EFR3B: variants seen among roughly 807,000 people sequenced by gnomAD.
The protein encoded by EFR3B is EFR3 homolog B.
EFR3B carries 64 observed loss-of-function variants against 104.7 expected under a neutral mutation model. That is an observed-to-expected ratio of 0.61 (90% confidence interval 0.50 to 0.75). The LOEUF (loss-of-function observed/expected upper bound fraction) is 0.75, where lower values mean the gene tolerates loss of function less well. Ranked by LOEUF, EFR3B falls within the 30% of genes least tolerant of loss-of-function variation. The pLI, the probability that EFR3B is intolerant of heterozygous loss-of-function variation, is 0.00. For synonymous variants in EFR3B, 385 were observed against 417.9 expected, an observed-to-expected ratio of 0.92 and a Z score of 0.96; for missense variants, 750 against 1,078.5, an observed-to-expected ratio of 0.70 and a Z score of 4.27.
At chr2:25,079,429 A>G (rs1668727330) in intron 1 of EFR3B, among the ~76,000 whole-genome samples, 2 of 152,214 alleles carry the variant, frequency 1.3e-5, no homozygotes, top group Admixed American at 1.3e-4. Context: ...TGGGCAGGGC[A>G]CTTAACCTCT....
chr2:25,122,804 C>T (rs1670051349), intron 5 of EFR3B, among the ~76,000 whole-genome samples: 8 of 152,078 alleles, frequency 5.3e-5, no homozygotes, highest in Admixed American at 5.2e-4. Flanking sequence ...TCTTGTTCAC[C>T]ACCTGTCTCT....
At chr2:25,134,618 G>C (rs4665764) in intron 12 of EFR3B, among the ~76,000 whole-genome samples, 45,183 of 151,136 alleles carry the variant, frequency 0.3, 7,298 homozygotes, top group Admixed American at 0.41. Context: ...GAACTCCCCC[G>C]ACCCCGCCGC....
At chr2:25,072,174 G>A (rs927435120) in intron 1 of EFR3B, among the ~76,000 whole-genome samples, 5 of 152,218 alleles carry the variant, frequency 3.3e-5, no homozygotes, top group Non-Finnish European at 5.9e-5. Context: ...CTCCCTCTGC[G>A]TGTTGGCAGT....
In EFR3B at chr2:25,131,170, C is replaced by T. The variant is rs1670318056; in HGVS notation, c.850-198C>T. Among the ~76,000 whole-genome samples the T allele has an allele frequency of 6.6e-6, 1 of 152,228 alleles. No homozygotes were observed. Among genetic ancestry groups the T allele is most frequent in the South Asian group, 2.1e-4 (1 of 4,834 alleles). ...CCTGGAAAACTGTCAGCTGAGGCCTCCACTGGGATTTGGCTCTTTGTTGGA... is the reference window on the plus strand; with the variant it reads ...CCTGGAAAACTGTCAGCTGAGGCCTTCACTGGGATTTGGCTCTTTGTTGGA... On this transcript the variant is annotated intron_variant, in intron 8 of 22. Transcript: ENST00000403714. The surrounding 1 kb of genome is among the most constrained non-coding windows in gnomAD (Gnocchi z 7.6).
chr2:25,077,045 A>T (rs1398759074), intron 1 of EFR3B, among the ~76,000 whole-genome samples: 1 of 152,176 alleles, frequency 6.6e-6, no homozygotes, highest in Non-Finnish European at 1.5e-5. Flanking sequence ...TCTTTCCCAG[A>T]TGAGATACAT....
chr2:25,098,599 CG>C (rs1669346821), intron 3 of EFR3B, among the ~76,000 whole-genome samples: 1 of 152,160 alleles, frequency 6.6e-6, no homozygotes. Context: ...GCATTAGACT[CG>C]GGGCTTCCAA....
chr2:25,048,588 T>C (rs1445462798), intron 1 of EFR3B, among the ~76,000 whole-genome samples: 1 of 151,968 alleles, frequency 6.6e-6, no homozygotes, highest in African/African-American at 2.4e-5. Context: ...ATTTTAAGAC[T>C]TGTGGGTGGC....
In EFR3B at chr2:25,042,139, GC is replaced by G; in HGVS notation, c.-171del. ...GCCCGGCGCTGAATGGGCTGGCGGCGCCCGGCTCCGTCCTGCCCGCGGCCGG... is the reference window on the plus strand; with the variant it reads ...GCCCGGCGCTGAATGGGCTGGCGGCGCCGGCTCCGTCCTGCCCGCGGCCGG... On this transcript the variant is annotated 5_prime_UTR_variant, in exon 1 of 23. It removes the in-frame stop codon of an upstream open reading frame in the 5' UTR. Coordinates refer to ENST00000403714, the MANE Select transcript of EFR3B (RefSeq NM_014971.2). This position sits in a 1 kb window ranked among gnomAD's most constrained non-coding sequence, Gnocchi z 5.4. 1.9e-6 allele frequency: 1 copy of G among 513,944 alleles called. No individual in the cohort carries two copies. Among genetic ancestry groups the G allele is most frequent in the Non-Finnish European group, 2.9e-6 (1 of 349,642 alleles). The allele number at this position is 513,944 out of a possible 1,614,324, so 31.8% of individuals were successfully genotyped here.
intron 20 of EFR3B, among the ~76,000 whole-genome samples, chr2:25,150,637 G>A (rs1398913987): frequency 2.7e-5 from 4 of 146,776 alleles, no homozygotes; most frequent in Admixed American, 6.9e-5. Context: ...CTGAGACAGA[G>A]TCTCGCCCTG....
chr2:25,119,457 A>T (rs1370260184), intron 4 of EFR3B, among the ~76,000 whole-genome samples: 2 of 152,188 alleles, frequency 1.3e-5, no homozygotes, highest in Non-Finnish European at 2.9e-5. Flanking sequence ...TCAGCACCTC[A>T]AGTCTGTTCC....
chr2:25,086,789 TGCCATGTTG>T (rs1161876579), intron 1 of EFR3B, among the ~76,000 whole-genome samples: 9 of 152,088 alleles, frequency 5.9e-5, no homozygotes. Flanking sequence ...GGCAGGATTT[TGCCATGTTG>T]GCCAGGCTGG....
In EFR3B at chr2:25,042,618, T is replaced by A. The variant is rs535897578; in HGVS notation, c.7+299T>A. Reference sequence around the variant, plus strand: ...CTCCCGGAGCCGAGCAGACCGGGAGTGCTGGAGGAGGTGGTCGTGTGGCAG... The same window carrying A: ...CTCCCGGAGCCGAGCAGACCGGGAGAGCTGGAGGAGGTGGTCGTGTGGCAG... On this transcript the variant is annotated intron_variant, in intron 1 of 22. Coordinates refer to ENST00000403714, the MANE Select transcript of EFR3B (RefSeq NM_014971.2). The surrounding 1 kb of genome is among the most constrained non-coding windows in gnomAD (Gnocchi z 5.4). 1.2e-5 allele frequency: 14 copies of A among 1,169,780 alleles called. No individual in the cohort carries two copies. Among genetic ancestry groups the A allele is most frequent in the Non-Finnish European group, 1.3e-5 (12 of 948,894 alleles). The allele number at this position is 1,169,780 out of a possible 1,614,324, so 72.5% of individuals were successfully genotyped here.
chr2:25,049,022 G>T (rs555699643), intron 1 of EFR3B, among the ~76,000 whole-genome samples: 6 of 152,178 alleles, frequency 3.9e-5, no homozygotes, highest in African/African-American at 1.4e-4. Flanking sequence ...TTTTTCCCTC[G>T]ACTGTAGCCC....
In EFR3B at chr2:25,133,056, C is replaced by T. The variant is rs1385881280; in HGVS notation, c.1259+42C>T. The T allele has an allele frequency of 2.0e-6, 3 of 1,511,734 alleles. No individual in the cohort carries two copies. In the South Asian group the frequency reaches 3.6e-5, roughly 18 times the overall value. 93.6% of individuals were successfully genotyped at this position (1,511,734 alleles called of 1,614,324 possible). A position where few individuals can be genotyped will look rare whatever the true frequency, so the allele number is the denominator to read the frequency against. ...CCCCAGCCTGGAGTCCTCCTCTCCC[C>T]CAGCTGCATTTTCTGACCCCCTCCT... is the stretch of plus-strand genomic sequence containing the variant. On this transcript the variant is annotated intron_variant, in intron 11 of 22. Coordinates refer to ENST00000403714, the MANE Select transcript of EFR3B (RefSeq NM_014971.2).
In EFR3B at chr2:25,103,779, A is replaced by C; in HGVS notation, c.355A>C (p.Thr119Pro). 1 of 1,551,592 alleles carries C rather than the reference A, an allele frequency of 6.4e-7. No individual in the cohort carries two copies. The highest frequency in any genetic ancestry group is 8.7e-7 in the Non-Finnish European group (1 of 1,146,926). ...SEKPNLQILGTNSFVKFANIE... is the reference protein window; with the variant it reads ...SEKPNLQILGPNSFVKFANIE... ...GAAACCCAACCTGCAGATCCTCGGCACCAACTCGGTAAGGAGCGGCCCAGG... is the reference window on the plus strand; with the variant it reads ...GAAACCCAACCTGCAGATCCTCGGCCCCAACTCGGTAAGGAGCGGCCCAGG... The change falls in exon 4 of 23, where the codon ACC becomes CCC. Residue 119 changes from threonine to proline, a missense_variant. Transcript: ENST00000403714.
At chr2:25,096,953 A>C (rs988228709) in intron 3 of EFR3B, among the ~76,000 whole-genome samples, 1 of 152,210 alleles carries the variant, frequency 6.6e-6, no homozygotes, top group Non-Finnish European at 1.5e-5. Context: ...AATAAGAGCA[A>C]ATCTACTGTG....
intron 20 of EFR3B, among the ~76,000 whole-genome samples, chr2:25,150,157 C>G (rs1670961642): frequency 6.6e-6 from 1 of 151,924 alleles, no homozygotes; most frequent in Non-Finnish European, 1.5e-5. Context: ...CAAAAATTAG[C>G]CAGGCATGGT....
chr2:25,123,795 C>T (rs574113610), intron 5 of EFR3B, among the ~76,000 whole-genome samples: 10 of 152,384 alleles, frequency 6.6e-5, no homozygotes, highest in Admixed American at 4.6e-4. Flanking sequence ...ACTGCACACA[C>T]GTGCACACAC....
chr2:25,081,182 CT>C, intron 1 of EFR3B: 2 of 759,904 alleles, frequency 2.6e-6, no homozygotes, highest in South Asian at 1.5e-5. Context: ...TGGTAAACAA[CT>C]TTTTCCCAAT....
Sources: allele counts gnomAD v4.1 joint callset (sites outside exome capture counted in the v4.1 genomes callset), GRCh38; gene constraint gnomAD v4.1.1; non-coding constraint Gnocchi (gnomAD v3.1); transcripts MANE v1.5; gene names NCBI Gene and HGNC (gene_info 2026-07-23, HGNC 2026-07-21).